Variants in TNRC6C observed in about 807,000 individuals in gnomAD.
TNRC6C encodes the protein trinucleotide repeat containing adaptor 6C.
In TNRC6C, 20 loss-of-function variants were observed where a neutral mutation model predicts 153.7. The observed-to-expected ratio is 0.13, with a 90% CI of 0.09 to 0.19. The LOEUF (loss-of-function observed/expected upper bound fraction) is 0.19. TNRC6C is among the 10% of genes least tolerant of loss of function. The probability of loss-of-function intolerance (pLI) is 1.00; values close to 1 mark genes in which losing one functional copy is unlikely to be tolerated. For missense variants in TNRC6C, 1,987 were observed against 2,172.0 expected (o/e 0.91, Z 1.69); for synonymous variants, 811 against 841.4 (o/e 0.96, Z 0.63).
rs372077559 is a variant in TNRC6C at position 78,079,426 on chromosome 17, A to G, written c.3242A>G (p.Asn1081Ser). 2.4e-5 allele frequency: 38 copies of G among 1,613,716 alleles called. No individual in the cohort carries two copies. The highest frequency in any genetic ancestry group is 1.2e-4 in the Admixed American group (7 of 59,990). Residue 1081 changes from asparagine to serine, a missense_variant, in exon 10 of 20, where the codon AAT becomes AGT. Coordinates refer to ENST00000301624, the Ensembl canonical transcript of TNRC6C. The surrounding 1 kb of genome is among the most constrained non-coding windows in gnomAD (Gnocchi z 4.3). Reference sequence around the variant, plus strand: ...AGTGGCAATCTGGGTATGTTTGGCAATAGTGGAGCAGCACAAGCCAGGACC... The same window carrying G: ...AGTGGCAATCTGGGTATGTTTGGCAGTAGTGGAGCAGCACAAGCCAGGACC...
exon 20 of TNRC6C, chr17:78,108,258 C>T (rs1025127669): frequency 1.3e-5 from 2 of 154,428 alleles, no homozygotes; most frequent in African/African-American, 2.4e-5. Context: ...CTGGCCCCCC[C>T]CCACCCATGG....
intron 10 of TNRC6C, among the ~76,000 whole-genome samples, chr17:78,082,258 T>G (rs974616537): frequency 2.6e-5 from 4 of 151,162 alleles, no homozygotes; most frequent in African/African-American, 9.8e-5. Context: ...TTACTAAGTT[T>G]AGTGAGGGCA....
chr17:78,062,290 A>G (rs150824625), intron 3 of TNRC6C, among the ~76,000 whole-genome samples: 116 of 152,308 alleles, frequency 7.6e-4, no homozygotes, highest in Non-Finnish European at 1.5e-3. Flanking sequence ...TTGTAATTTA[A>G]AATGATTTTT....
Position 78,049,259 on chromosome 17 carries a change from C to G in TNRC6C, c.197C>G (p.Ser66Cys). 6.2e-7 allele frequency: 1 copy of G among 1,611,590 alleles called. No homozygotes were observed. The highest frequency in any genetic ancestry group is 1.3e-5 in the African/African-American group (1 of 75,050). Residue 66 changes from serine to cysteine, a missense_variant, in exon 3 of 20, where the codon TCT becomes TGT. Transcript: ENST00000301624. This position sits in a 1 kb window ranked among gnomAD's most constrained non-coding sequence, Gnocchi z 4.1. ...TCCAGCTCTGGCCTGGCTCACTGCT[C>G]TGTCAGTGGTGGGGATGGAAAAATG...
At chr17:77,975,231 GAGGTTTTTTTTTAGCATCTGTATTA>G (rs986941989) in intron 1 of TNRC6C, among the ~76,000 whole-genome samples, 7 of 151,646 alleles carry the variant, frequency 4.6e-5, no homozygotes, top group Non-Finnish European at 8.8e-5. Flanking sequence ...ATTACCTTAG[GAGGTTTTTTTTTAGCATCTGTATTA>G]AGGTTTTTTT....
In TNRC6C at chr17:78,070,501, C is replaced by T. The variant is rs555296164; in HGVS notation, c.2779-584C>T. Among the ~76,000 whole-genome samples the T allele has an allele frequency of 2.6e-5, 4 of 152,236 alleles. 1 individual carries two copies. The highest frequency in any genetic ancestry group is 9.6e-5 in the African/African-American group (4 of 41,542). ...GCTCTTCTGTGGTGCCGAGCCCTCC[C>T]CCACCCCCACTGCTCTTTCTGTAGC... On this transcript the variant is annotated intron_variant, in intron 5 of 19. Coordinates refer to ENST00000301624, the Ensembl canonical transcript of TNRC6C.
chr17:77,962,395 A>G (rs986603589), intron 1 of TNRC6C, among the ~76,000 whole-genome samples: 1 of 152,224 alleles, frequency 6.6e-6, no homozygotes, highest in African/African-American at 2.4e-5. Flanking sequence ...TTTTATAAGA[A>G]AGAAAATCGT....
At chr17:78,023,170 A>G (rs1046295987) in intron 1 of TNRC6C, among the ~76,000 whole-genome samples, 3 of 152,204 alleles carry the variant, frequency 2.0e-5, no homozygotes, top group Admixed American at 2.0e-4. Context: ...GCGGGAGGAT[A>G]TGCGTAGGTT....
At chr17:78,097,989 T>C in intron 16 of TNRC6C, 128 bp downstream of exon 19, 1 of 835,620 alleles carries the variant, frequency 1.2e-6, no homozygotes, top group Non-Finnish European at 1.8e-6. Context: ...TGTGGCGTGA[T>C]GAAGGATGGG....
intron 1 of TNRC6C, among the ~76,000 whole-genome samples, chr17:78,027,463 A>G (rs1229274278): frequency 4.6e-5 from 7 of 152,286 alleles, no homozygotes; most frequent in Admixed American, 3.3e-4. Context: ...CTTCTTTTTT[A>G]TATTCAGTTC....
chr17:77,972,837 A>C (rs1057451132), intron 1 of TNRC6C, among the ~76,000 whole-genome samples: 1 of 152,226 alleles, frequency 6.6e-6, no homozygotes, highest in African/African-American at 2.4e-5. Context: ...AGGTACATTT[A>C]CCAGCTGATC....
exon 3 of TNRC6C, chr17:78,050,957 A>G: frequency 6.2e-7 from 1 of 1,613,982 alleles, no homozygotes; most frequent in Non-Finnish European, 8.5e-7. Context: ...GGTTGGAATG[A>G]CACCACGAGA....
chr17:78,004,472 GAGCTGTGTTTTAAGGA>G (rs1193645224), upstream of TNRC6C, among the ~76,000 whole-genome samples: 9 of 152,218 alleles, frequency 5.9e-5, no homozygotes, highest in Admixed American at 5.9e-4. Context: ...GGAAGTGTTA[GAGCTGTGTTTTAAGGA>G]AGCTGTGTTT....
intron 4 of TNRC6C, among the ~76,000 whole-genome samples, chr17:78,065,903 A>T (rs2072866803): frequency 6.6e-6 from 1 of 152,174 alleles, no homozygotes; most frequent in Non-Finnish European, 1.5e-5. Context: ...TAATATTAAC[A>T]TGAGTATAAG....
chr17:77,960,731 A>T (rs2070855183), intron 1 of TNRC6C, among the ~76,000 whole-genome samples: 1 of 152,200 alleles, frequency 6.6e-6, no homozygotes, highest in Non-Finnish European at 1.5e-5. Context: ...CAGAGGTGGC[A>T]ATGGTCTTTG....
In TNRC6C at chr17:77,975,408, G is replaced by T. The variant is rs143382771; in HGVS notation, c.-38+16140G>T. On this transcript the variant is annotated intron_variant, in intron 1 of 22. Transcript: ENST00000636222. Reference sequence around the variant, plus strand: ...AGTGTTGAAATGTGCTGGTGGGAGGGCAGATGCAGTGTGCTGGAGGGAGAA... The same window carrying T: ...AGTGTTGAAATGTGCTGGTGGGAGGTCAGATGCAGTGTGCTGGAGGGAGAA... 2.0e-5 allele frequency among the ~76,000 whole-genome samples: 3 copies of T among 152,286 alleles called. No individual in the cohort carries two copies. In the East Asian group the frequency reaches 5.8e-4, roughly 29 times the overall value.
At chr17:78,013,348 C>G (rs559032774) in intron 1 of TNRC6C, among the ~76,000 whole-genome samples, 61 of 152,258 alleles carry the variant, frequency 4.0e-4, no homozygotes, top group Admixed American at 5.9e-4. Context: ...CTGGAGGCAG[C>G]AGGTACAGTT....
chr17:78,065,586 G>C (rs2072859371), intron 4 of TNRC6C, among the ~76,000 whole-genome samples: 1 of 152,176 alleles, frequency 6.6e-6, no homozygotes, highest in Admixed American at 6.5e-5. Context: ...CACTGAGCAA[G>C]ATAGATAAAA....
chr17:77,991,240 C>CT, intron 1 of TNRC6C, among the ~76,000 whole-genome samples: 1 of 152,124 alleles, frequency 6.6e-6, no homozygotes, highest in East Asian at 1.9e-4. Context: ...ATCTCAGGGG[C>CT]TTGATGTATG....
Sources: gnomAD v4.1 joint callset for allele counts (sites outside exome capture counted in the v4.1 genomes callset) on GRCh38, gnomAD v4.1.1 for gene constraint, Gnocchi (gnomAD v3.1) non-coding constraint, MANE v1.5 for transcripts, NCBI Gene and HGNC (gene_info 2026-07-23, HGNC 2026-07-21) for gene names.